MACF1: variants seen among roughly 807,000 people sequenced by gnomAD.
MACF1 encodes microtubule-actin cross-linking factor 1.
Under a neutral mutation model 854.8 loss-of-function variants are expected in MACF1, and 193 were observed. The ratio of observed to expected loss-of-function variants is 0.23; its 90% CI spans 0.20 to 0.25. The LOEUF (loss-of-function observed/expected upper bound fraction) is 0.25, where lower values mean the gene tolerates loss of function less well. Ranked by LOEUF, MACF1 falls within the 10% of genes least tolerant of loss-of-function variation. MACF1 has a pLI of 1.00. For synonymous variants in MACF1, 3,185 were observed against 3,226.7 expected, an observed-to-expected ratio of 0.99 and a Z score of 0.44; for missense variants, 7,722 against 8,929.1, an observed-to-expected ratio of 0.86 and a Z score of 5.45.
At chr1:39,439,751 A>G (rs1167028283) in intron 72 of MACF1, among the ~76,000 whole-genome samples, 1 of 152,102 alleles carries the variant, frequency 6.6e-6, no homozygotes, top group East Asian at 1.9e-4. Flanking sequence ...GATTACAGGC[A>G]TGTGCCACCA....
At chr1:39,476,398 A>G (rs1368893409) in intron 97 of MACF1, among the ~76,000 whole-genome samples, 1 of 152,076 alleles carries the variant, frequency 6.6e-6, no homozygotes, top group East Asian at 1.9e-4. Flanking sequence ...GTGAAACCCC[A>G]TCTCTACTAA....
At position 39,428,197 on chromosome 1, in the gene MACF1, C is replaced by T. The variant is rs749805253; in HGVS notation, c.16713C>T (p.Asn5571=). Residue 5571 remains asparagine, a synonymous_variant, in exon 63 of 101, where the codon AAC becomes AAT. Coordinates refer to ENST00000564288, the MANE Select transcript of MACF1 (RefSeq NM_001394062.1). Reference sequence around the variant, plus strand: ...GGGAGGATGAGGTGGAGGTGCTCAACTGGCTGGCTGAGGTTGAGGACAAGC... The same window carrying T: ...GGGAGGATGAGGTGGAGGTGCTCAATTGGCTGGCTGAGGTTGAGGACAAGC... ...LFGEDEVEVL[N]WLAEVEDKLS... The T allele has an allele frequency of 2.3e-5, 37 of 1,614,042 alleles. No individual in the cohort carries two copies. The highest frequency in any genetic ancestry group is 3.0e-5 in the Non-Finnish European group (35 of 1,180,026).
chr1:39,334,978 G>A lies in MACF1; in HGVS notation c.8390G>A (p.Cys2797Tyr), dbSNP rs1335203236. Reference sequence around the variant, plus strand: ...CTAGGAAAGGATATGTTAATTGCTTGTAATCAGACTGCTGAAATGAGTTGT... The same window carrying A: ...CTAGGAAAGGATATGTTAATTGCTTATAATCAGACTGCTGAAATGAGTTGT... ...EFLGKDMLIA[C>Y]NQTAEMSCNK... The change falls in exon 37 of 101, where the codon TGT (cysteine) becomes TAT (tyrosine). Residue 2797 changes from cysteine to tyrosine, a missense_variant. Around this residue, in one of 15 missense-constraint regions of MACF1, gnomAD observed 1,531 missense variants for 1,601.6 expected, o/e 0.96. Transcript: ENST00000564288. The A allele has an allele frequency of 1.9e-6, 3 of 1,614,148 alleles. No homozygotes were observed. In the South Asian group the frequency reaches 3.3e-5, roughly 18 times the overall value.
Position 39,335,990 on chromosome 1 carries a change from G to T in MACF1, c.9402G>T (p.Lys3134Asn). ...TGPSQISKTD[K>N]SFQGTTRQET... ...CATCCCAAATTTCCAAAACAGACAA[G>T]TCTTTCCAAGGAACCACCAGACAGG... The change falls in exon 37 of 101, where the codon AAG becomes AAT. Residue 3134 changes from lysine (K) to asparagine (N), a missense_variant. Transcript: ENST00000564288. 6.2e-7 allele frequency: 1 copy of T among 1,614,110 alleles called. No individual in the cohort carries two copies. The highest frequency in any genetic ancestry group is 1.1e-5 in the South Asian group (1 of 91,076).
chr1:39,434,774 C>A, intron 69 of MACF1, 142 bp downstream of exon 69: 1 of 664,328 alleles, frequency 1.5e-6, no homozygotes, highest in Non-Finnish European at 2.5e-6. Flanking sequence ...TTTCATAATA[C>A]ATAATCTGAA....
In MACF1 at chr1:39,465,080, C is replaced by A. The variant is rs745750558; in HGVS notation, c.21754-15C>A. The A allele has an allele frequency of 1.9e-6, 3 of 1,609,168 alleles. No individual in the cohort carries two copies. The highest frequency in any genetic ancestry group is 2.2e-5 in the South Asian group (2 of 91,024). ...CCCCTCCTTTCCTCCATCCTTTACT[C>A]TTTACTGTCTATAGTTCTTCCTCGG... On this transcript the variant is annotated splice_polypyrimidine_tract_variant and intron_variant, in intron 94 of 100. Transcript: ENST00000564288.
intron 49 of MACF1, among the ~76,000 whole-genome samples, chr1:39,362,142 G>A (rs1331367886): frequency 1.3e-5 from 2 of 152,162 alleles, no homozygotes; most frequent in East Asian, 1.9e-4. Context: ...AGTATTAACA[G>A]CTACCACAGA....
chr1:39,291,386 T>C (rs1406757545), intron 15 of MACF1, among the ~76,000 whole-genome samples: 2 of 152,254 alleles, frequency 1.3e-5, no homozygotes, highest in Non-Finnish European at 2.9e-5. Flanking sequence ...CTTATCTTTC[T>C]AACCCTTTTG....
intron 2 of MACF1, among the ~76,000 whole-genome samples, chr1:39,093,653 T>A (rs1448668650): frequency 6.6e-6 from 1 of 151,784 alleles, no homozygotes; most frequent in Non-Finnish European, 1.5e-5. Flanking sequence ...ACCCAGCTAA[T>A]TTTTGTATTT....
Position 39,422,817 on chromosome 1 carries a change from G to T in MACF1, c.16066G>T (p.Ala5356Ser), listed in dbSNP as rs1213129170. ...CTTGGAGCCATTGCTCAGCTGGTTG[G>T]CAGATACCGAGGAGCTCATAGCCAA... is the stretch of plus-strand genomic sequence containing the variant. ...DALEPLLSWL[A>S]DTEELIANQK... The change falls in exon 60 of 101, where the codon GCA (alanine) becomes TCA (serine). Residue 5356 changes from alanine to serine, a missense_variant. Around this residue, in one of 15 missense-constraint regions of MACF1, gnomAD observed 2,807 missense variants for 3,235.8 expected, o/e 0.87. Coordinates refer to ENST00000564288, the MANE Select transcript of MACF1 (RefSeq NM_001394062.1). The T allele has an allele frequency of 2.5e-6, 4 of 1,614,168 alleles. No homozygotes were observed. In the Admixed American group the frequency reaches 6.7e-5, roughly 27 times the overall value.
intron 97 of MACF1, among the ~76,000 whole-genome samples, chr1:39,479,071 GC>G: frequency 6.6e-6 from 1 of 152,298 alleles, no homozygotes; most frequent in East Asian, 1.9e-4. Flanking sequence ...GCCCCAGAAA[GC>G]CATAAGACAG....
At chr1:39,435,419 A>G (rs1643953211) in intron 69 of MACF1, 139 bp from the exon 70 acceptor site, 1 of 676,264 alleles carries the variant, frequency 1.5e-6, no homozygotes, top group Non-Finnish European at 2.5e-6. Flanking sequence ...TCCCACACAA[A>G]TGGTGAGATG....
intron 58 of MACF1, among the ~76,000 whole-genome samples, chr1:39,391,910 G>T (rs1642050214): frequency 6.6e-6 from 1 of 152,186 alleles, no homozygotes; most frequent in African/African-American, 2.4e-5. Context: ...TGATCGGCTG[G>T]GCTCTTGCAG....
chr1:39,168,776 A>G (rs542604916), intron 2 of MACF1, among the ~76,000 whole-genome samples: 192 of 152,252 alleles, frequency 1.3e-3, no homozygotes, highest in African/African-American at 4.6e-3. Flanking sequence ...TAGTATAAGT[A>G]AATTTTCTTA....
At chr1:39,228,275 A>G (rs975716002) in intron 1 of MACF1, among the ~76,000 whole-genome samples, 4 of 152,170 alleles carry the variant, frequency 2.6e-5, no homozygotes, top group Non-Finnish European at 4.4e-5. Flanking sequence ...GCACCATTGC[A>G]CTCCAGCCTG....
Position 39,353,224 on chromosome 1 carries a change from T to C in MACF1, c.11417T>C (p.Met3806Thr), listed in dbSNP as rs1467020931. 1 of 1,603,104 alleles carries C rather than the reference T, an allele frequency of 6.2e-7. No individual in the cohort carries two copies. The highest frequency in any genetic ancestry group is 1.1e-5 in the South Asian group (1 of 90,706). The change falls in exon 44 of 101, where the codon ATG (methionine) becomes ACG (threonine). Residue 3806 changes from methionine (M) to threonine (T), a missense_variant. Physicochemically the swap from Met to Thr is moderately conservative, Grantham distance 81 (BLOSUM62 -1). Transcript: ENST00000564288. ...APEKLDKQCE[M>T]MKARHQELLS... Reference sequence around the variant, plus strand: ...GAGAAACTGGACAAGCAATGTGAGATGATGAAGGTAAGGGTGTTAGCTTAT... The same window carrying C: ...GAGAAACTGGACAAGCAATGTGAGACGATGAAGGTAAGGGTGTTAGCTTAT...
intron 2 of MACF1, among the ~76,000 whole-genome samples, chr1:39,246,309 T>C (rs1457319700): frequency 1.3e-5 from 2 of 152,234 alleles, no homozygotes; most frequent in African/African-American, 4.8e-5. Context: ...CCAAACTGAA[T>C]TCTGGTATTT....
chr1:39,348,238 T>A (rs943044241), intron 41 of MACF1, among the ~76,000 whole-genome samples: 1 of 152,208 alleles, frequency 6.6e-6, no homozygotes. Context: ...TGTGCAATGC[T>A]CGCATTCAGG....
intron 49 of MACF1, 144 bp from the exon 50 acceptor site, chr1:39,367,999 GTTTGT>G (rs1188952677): frequency 2.2e-5 from 11 of 493,138 alleles, no homozygotes; most frequent in East Asian, 2.0e-4. Flanking sequence ...AAAAATGTTT[GTTTGT>G]TTTTTTTAAA....
Sources: allele counts gnomAD v4.1 joint callset (sites outside exome capture counted in the v4.1 genomes callset), GRCh38; gene constraint gnomAD v4.1.1; regional missense constraint gnomAD v4.1.1; transcripts MANE v1.5; gene names NCBI Gene and HGNC (gene_info 2026-07-23, HGNC 2026-07-21).